Variants in APBB1 observed in about 807,000 individuals in gnomAD.
The protein encoded by APBB1 is adaptor protein FE65a2.
In APBB1, 22 loss-of-function variants were observed where a neutral mutation model predicts 78.4. The observed-to-expected ratio is 0.28, with a 90% CI of 0.20 to 0.40. The LOEUF (loss-of-function observed/expected upper bound fraction) is 0.40. Ranked by LOEUF, APBB1 falls within the 10% of genes least tolerant of loss-of-function variation. The pLI, the probability that APBB1 is intolerant of heterozygous loss-of-function variation, is 1.00. For missense variants in APBB1, 749 were observed against 932.4 expected (o/e 0.80, Z 2.56); for synonymous variants, 369 against 372.7 (o/e 0.99, Z 0.12).
At chr11:6,406,312 C>T (rs1848797248) in intron 2 of APBB1, among the ~76,000 whole-genome samples, 1 of 152,198 alleles carries the variant, frequency 6.6e-6, no homozygotes, top group Non-Finnish European at 1.5e-5. Context: ...CAGGTGTACT[C>T]ACTTGCTCAG....
In APBB1 at chr11:6,402,637, A is replaced by C. The variant is rs774806243; in HGVS notation, c.1193T>G (p.Ile398Ser). 1 of 1,614,036 alleles carries C rather than the reference A, an allele frequency of 6.2e-7. No homozygotes were observed. Among genetic ancestry groups the C allele is most frequent in the Non-Finnish European group, 8.5e-7 (1 of 1,180,016 alleles). The change falls in exon 7 of 15, where the codon ATC becomes AGC. Residue 398 changes from isoleucine to serine, a missense_variant. Ile to Ser is a moderately radical substitution (Grantham distance 142). Around this residue, in one of 3 missense-constraint regions of APBB1, gnomAD observed 635 missense variants for 765.0 expected, o/e 0.83. Coordinates refer to ENST00000609360, the MANE Select transcript of APBB1 (RefSeq NM_001164.5). ...GRSSVAVNNC[I>S]RQLSYHKNNL... is the part of the protein sequence containing the mutation. The stretch of plus-strand genomic sequence containing the variant: ...GTTTTTGTGGTAAGAGAGCTGACGG[A>C]TGCAATTGTTGACTGCCACACTGCT...
intron 2 of APBB1, among the ~76,000 whole-genome samples, chr11:6,409,624 GCA>G (rs1848908392): frequency 1.3e-5 from 2 of 152,180 alleles, no homozygotes; most frequent in Admixed American, 6.5e-5. Context: ...CACAAAGATT[GCA>G]CAGTTTGGGG....
At position 6,419,012 on chromosome 11, in the gene APBB1, G is replaced by C. The variant is rs1849191946; in HGVS notation, c.-42C>G. 1 of 393,472 alleles carries C rather than the reference G, an allele frequency of 2.5e-6. No homozygotes were observed. Among genetic ancestry groups the C allele is most frequent in the South Asian group, 1.3e-4 (1 of 7,808 alleles). The allele number at this position is 393,472 out of a possible 1,614,324, so 24.4% of individuals were successfully genotyped here. A position where few individuals can be genotyped will look rare whatever the true frequency, so the allele number is the denominator to read the frequency against. On this transcript the variant is annotated 5_prime_UTR_variant, in exon 1 of 15. Coordinates refer to ENST00000609360, the MANE Select transcript of APBB1 (RefSeq NM_001164.5). The stretch of plus-strand genomic sequence containing the variant: ...GCGCGGTGAGGCCCCGGGCCCAGAT[G>C]ACGGAGGTGGCTCAGGCTGCGGGGT...
chr11:6,401,491 C>T lies in APBB1; in HGVS notation c.1504-62G>A, dbSNP rs780987722. On this transcript the variant is annotated intron_variant, in intron 10 of 14. Transcript: ENST00000609360. This position sits in a 1 kb window ranked among gnomAD's most constrained non-coding sequence, Gnocchi z 4.5. ...CTATTAGAGCCTCATTGCCCTGGGGCCCCCCTACAGCACTCAGTGACCCCA... is the reference window on the plus strand; with the variant it reads ...CTATTAGAGCCTCATTGCCCTGGGGTCCCCCTACAGCACTCAGTGACCCCA... 10 of 1,612,090 alleles carry T rather than the reference C, an allele frequency of 6.2e-6. No individual in the cohort carries two copies. Among genetic ancestry groups the T allele is most frequent in the Non-Finnish European group, 8.5e-6 (10 of 1,178,568 alleles).
In APBB1 at chr11:6,411,450, C is replaced by T. The variant is rs1848963609; in HGVS notation, c.-14-89G>A. The T allele has an allele frequency of 5.1e-6, 6 of 1,180,304 alleles. No individual in the cohort carries two copies. Among genetic ancestry groups the T allele is most frequent in the Middle Eastern group, 2.9e-4 (1 of 3,412 alleles). The allele number at this position is 1,180,304 out of a possible 1,614,324, so 73.1% of individuals were successfully genotyped here. ...TGCCCCAGGGCTATGCCCTGTGCCT[C>T]CTCATCTCCCTGCACTAAGCAGGCT... is the stretch of plus-strand genomic sequence containing the variant. On this transcript the variant is annotated intron_variant, in intron 1 of 14. Coordinates refer to ENST00000609360, the MANE Select transcript of APBB1 (RefSeq NM_001164.5). This position sits in a 1 kb window ranked among gnomAD's most constrained non-coding sequence, Gnocchi z 5.2.
chr11:6,411,140 G>C lies in APBB1; in HGVS notation c.208C>G (p.Leu70Val). Residue 70 changes from leucine to valine, a missense_variant, in exon 2 of 15, where the codon CTA becomes GTA. By Grantham distance (32) the Leu-to-Val change is conservative (BLOSUM62 1). Around this residue, in one of 3 missense-constraint regions of APBB1, gnomAD observed 635 missense variants for 765.0 expected, o/e 0.83. Transcript: ENST00000609360. The surrounding 1 kb of genome is among the most constrained non-coding windows in gnomAD (Gnocchi z 5.2). ...PEPGPANAKWLKEGQNQLRRA... is the reference protein window; with the variant it reads ...PEPGPANAKWVKEGQNQLRRA... ...CGGAGCTGGTTCTGGCCCTCTTTTA[G>C]CCACTTGGCATTGGCAGGGCCTGGC... 3 of 1,610,630 alleles carry C rather than the reference G, an allele frequency of 1.9e-6. No homozygotes were observed. Among genetic ancestry groups the C allele is most frequent in the African/African-American group, 1.3e-5 (1 of 75,038 alleles).
intron 12 of APBB1, among the ~76,000 whole-genome samples, chr11:6,400,058 G>T (rs939519893): frequency 6.6e-6 from 1 of 152,140 alleles, no homozygotes; most frequent in South Asian, 2.1e-4. Context: ...ACATTTATTT[G>T]TGTGATTATT....
At chr11:6,402,477 C>T in intron 7 of APBB1, 99 bp downstream of exon 7, 1 of 1,370,098 alleles carries the variant, frequency 7.3e-7, no homozygotes, top group Non-Finnish European at 1.0e-6. Context: ...CAATATCCCC[C>T]TTCCCCAGCC....
intron 1 of APBB1, among the ~76,000 whole-genome samples, 193 bp downstream of exon 1, chr11:6,418,792 G>A (rs1849184580): frequency 6.6e-6 from 1 of 152,178 alleles, no homozygotes; most frequent in Non-Finnish European, 1.5e-5. Flanking sequence ...CGGTGTGAGG[G>A]CCCGAGTGGA....
intron 2 of APBB1, among the ~76,000 whole-genome samples, chr11:6,407,851 C>T (rs1848853246): frequency 6.6e-6 from 1 of 150,942 alleles, no homozygotes; most frequent in African/African-American, 2.4e-5. Context: ...GCAATCTCGG[C>T]TCACTGCAAG....
chr11:6,402,796 T>C (rs1848595486), intron 6 of APBB1, 71 bp from the exon 7 acceptor site: 9 of 1,578,576 alleles, frequency 5.7e-6, no homozygotes, highest in Non-Finnish European at 7.8e-6. Flanking sequence ...GACTACAGAG[T>C]GTGGCAGGAG....
rs770709647 is a variant in APBB1 at position 6,395,641 on chromosome 11, G to T, written c.2026C>A (p.Pro676Thr). 1.3e-6 allele frequency: 2 copies of T among 1,595,936 alleles called. No individual in the cohort carries two copies. Among genetic ancestry groups the T allele is most frequent in the Non-Finnish European group, 1.7e-6 (2 of 1,169,876 alleles). ...SQASTSCLPA[P>T]PAESVARRVG... ...CGCCGTGCCACAGACTCAGCAGGGG[G>T]TGCTGGGAGGCAGGAGGTGGAGGCC... Residue 676 changes from proline (P) to threonine (T), a missense_variant, in exon 15 of 15, where the codon CCC becomes ACC. By Grantham distance (38) the Pro-to-Thr change is conservative (BLOSUM62 -1). This residue lies in a region of APBB1 where 96 missense variants were observed against 116.0 expected (regional missense o/e 0.83). Transcript: ENST00000609360. This position sits in a 1 kb window ranked among gnomAD's most constrained non-coding sequence, Gnocchi z 5.2.
chr11:6,406,204 C>T (rs1329365010), intron 2 of APBB1, among the ~76,000 whole-genome samples: 2 of 151,886 alleles, frequency 1.3e-5, no homozygotes, highest in East Asian at 1.9e-4. Context: ...ACTCCTGCAT[C>T]GATTCATGCG....
chr11:6,413,435 C>T (rs568989377), intron 1 of APBB1, among the ~76,000 whole-genome samples: 2 of 152,256 alleles, frequency 1.3e-5, no homozygotes, highest in South Asian at 4.1e-4. Context: ...CTCACCACTA[C>T]CCCCCTTCCC....
intron 2 of APBB1, among the ~76,000 whole-genome samples, chr11:6,408,249 C>T (rs1212365822): frequency 6.6e-6 from 1 of 152,106 alleles, no homozygotes; most frequent in Non-Finnish European, 1.5e-5. Context: ...AAAATCCAAA[C>T]CATAGAAAAC....
chr11:6,404,586 G>A, intron 2 of APBB1: 2 of 1,535,924 alleles, frequency 1.3e-6, no homozygotes, highest in Non-Finnish European at 1.7e-6. Context: ...AAGCAAACAT[G>A]TCATGCACAT....
chr11:6,416,261 T>C (rs1284794195), intron 1 of APBB1, among the ~76,000 whole-genome samples: 4 of 152,246 alleles, frequency 2.6e-5, no homozygotes, highest in African/African-American at 9.6e-5. Flanking sequence ...ACTCCTCTGC[T>C]GGCTCATCTT....
intron 1 of APBB1, among the ~76,000 whole-genome samples, chr11:6,416,141 C>T (rs936755226): frequency 1.3e-5 from 2 of 152,148 alleles, no homozygotes. Context: ...AGCATCTGAC[C>T]CCGTGAATCT....
Position 6,411,832 on chromosome 11 carries a change from T to G in APBB1, c.-14-471A>C, listed in dbSNP as rs1848972258. 6.6e-6 allele frequency among the ~76,000 whole-genome samples: 1 copy of G among 152,102 alleles called. No individual in the cohort carries two copies. Among genetic ancestry groups the G allele is most frequent in the Non-Finnish European group, 1.5e-5 (1 of 68,012 alleles). On this transcript the variant is annotated intron_variant, in intron 1 of 14. Transcript: ENST00000609360. The surrounding 1 kb of genome is among the most constrained non-coding windows in gnomAD (Gnocchi z 5.2). Reference sequence around the variant, plus strand: ...CTGTAAGCTCCTCCGGCTGTGTTCCTATTCCCATAAATCACTCAGCTCAAC... The same window carrying G: ...CTGTAAGCTCCTCCGGCTGTGTTCCGATTCCCATAAATCACTCAGCTCAAC...
Sources: gnomAD v4.1 joint callset for allele counts (sites outside exome capture counted in the v4.1 genomes callset) on GRCh38, gnomAD v4.1.1 for gene constraint, gnomAD v4.1.1 regional missense constraint, Gnocchi (gnomAD v3.1) non-coding constraint, MANE v1.5 for transcripts, NCBI Gene and HGNC (gene_info 2026-07-23, HGNC 2026-07-21) for gene names.